The following WFDC2 variants were observed in gnomAD, a reference collection of about 807,000 sequenced individuals.
The protein encoded by WFDC2 is WAP four-disulfide core domain protein 2.
A neutral mutation model predicts 12.5 loss-of-function variants in WFDC2; 8 were observed. That is an observed-to-expected ratio of 0.64 (90% CI 0.37 to 1.15). WFDC2 has a LOEUF of 1.15. Ranked by LOEUF, WFDC2 falls within the 50% of genes most tolerant of loss-of-function variation. The pLI, the probability that WFDC2 is intolerant of heterozygous loss-of-function variation, is 0.01. For synonymous variants in WFDC2, 74 were observed against 67.2 expected (o/e 1.10, Z -0.49); for missense variants, 166 against 159.9 (o/e 1.04, Z -0.21).
Position 45,470,589 on chromosome 20 carries a change from G to T in WFDC2, c.223+57G>T. 1.3e-6 allele frequency: 2 copies of T among 1,503,600 alleles called. No individual in the cohort carries two copies. Among genetic ancestry groups the T allele is most frequent in the Non-Finnish European group, 1.8e-6 (2 of 1,122,868 alleles). 93.1% of individuals were successfully genotyped at this position (1,503,600 alleles called of 1,614,324 possible). On this transcript the variant is annotated intron_variant, in intron 2 of 3. Transcript: ENST00000372676. This position sits in a 1 kb window ranked among gnomAD's most constrained non-coding sequence, Gnocchi z 5.4. ...CGGGGCCGCGCTGGGCTGGGAGGAG[G>T]TGGGAGGGCCCGGGTTCCGGGAACA... is the stretch of plus-strand genomic sequence containing the variant.
intron 2 of WFDC2, 31 bp from the exon 3 acceptor site, chr20:45,479,911 C>T (rs752693740): frequency 8.1e-6 from 13 of 1,613,958 alleles, no homozygotes; most frequent in Non-Finnish European, 1.1e-5. Flanking sequence ...ATCGCCTCTG[C>T]CCACTTACCC....
Position 45,469,866 on chromosome 20 carries a change from T to TG in WFDC2, c.79+10dup. On this transcript the variant is annotated splice_region_variant and intron_variant, in intron 1 of 3. Coordinates refer to ENST00000372676, the MANE Select transcript of WFDC2 (RefSeq NM_006103.4). The stretch of plus-strand genomic sequence containing the variant: ...CGGCTTCACCCTAGTCTCAGGTGAG[T>TG]GGGGCGGGGAGAGGCCCGGCGCCTA... 1 of 1,601,218 alleles carries TG rather than the reference T, an allele frequency of 6.2e-7. No homozygotes were observed. The highest frequency in any genetic ancestry group is 8.5e-7 in the Non-Finnish European group (1 of 1,174,780).
intron 2 of WFDC2, among the ~76,000 whole-genome samples, chr20:45,476,821 G>A (rs1991239193): frequency 6.6e-6 from 1 of 152,028 alleles, no homozygotes; most frequent in Admixed American, 6.6e-5. Context: ...TCAAACATAG[G>A]TTTGGTCTTT....
In WFDC2 at chr20:45,474,601, G is replaced by A. The variant is rs188022767; in HGVS notation, c.223+4069G>A. Reference sequence around the variant, plus strand: ...TGCCAGCATTTTATTAAGGATTTTCGCACTGATGTTCATCAGGGATATTAA... The same window carrying A: ...TGCCAGCATTTTATTAAGGATTTTCACACTGATGTTCATCAGGGATATTAA... On this transcript the variant is annotated intron_variant, in intron 2 of 3. Coordinates refer to ENST00000372676, the MANE Select transcript of WFDC2 (RefSeq NM_006103.4). Among the ~76,000 whole-genome samples, 5 of 152,220 alleles carry A rather than the reference G, an allele frequency of 3.3e-5. 1 individual carries two copies. The highest frequency in any genetic ancestry group is 4.1e-4 in the South Asian group (2 of 4,822).
intron 2 of WFDC2, among the ~76,000 whole-genome samples, chr20:45,476,142 T>G (rs2145504661): frequency 6.6e-6 from 1 of 152,340 alleles, no homozygotes; most frequent in African/African-American, 2.4e-5. Flanking sequence ...TGCCAGTCTT[T>G]GTCTTTTAAC....
rs377272016 is a variant in WFDC2, at chr20:45,479,975, A to G, written c.257A>G (p.Asn86Ser). The G allele has an allele frequency of 2.5e-6, 4 of 1,614,042 alleles. No individual in the cohort carries two copies. The highest frequency in any genetic ancestry group is 3.4e-6 in the Non-Finnish European group (4 of 1,180,046). The change falls in exon 3 of 4, where the codon AAC (asparagine) becomes AGC (serine). Residue 86 changes from asparagine to serine, a missense_variant. Transcript: ENST00000372676. ...KEGSCPQVNI[N>S]FPQLGLCRDQ... The stretch of plus-strand genomic sequence containing the variant: ...GGTTCCTGCCCCCAGGTGAACATTA[A>G]CTTTCCCCAGCTCGGCCTCTGTCGG...
intron 3 of WFDC2, among the ~76,000 whole-genome samples, chr20:45,480,797 G>A (rs11696857): frequency 0.055 from 8,389 of 152,238 alleles, 308 homozygotes; most frequent in East Asian, 0.18. Flanking sequence ...TGGTGCCCGA[G>A]AGGGAACTAT....
At chr20:45,473,437 G>A (rs1256595301) in intron 2 of WFDC2, among the ~76,000 whole-genome samples, 2 of 152,130 alleles carry the variant, frequency 1.3e-5, no homozygotes, top group African/African-American at 2.4e-5. Context: ...TATTAAATAG[G>A]GAATCCTTTC....
intron 2 of WFDC2, among the ~76,000 whole-genome samples, chr20:45,478,586 A>C (rs1043154625): frequency 2.0e-5 from 3 of 151,986 alleles, no homozygotes; most frequent in Non-Finnish European, 4.4e-5. Flanking sequence ...GGAGCTGCAG[A>C]CTGGAGCTGT....
chr20:45,479,612 GC>G, intron 2 of WFDC2: 1 of 1,485,990 alleles, frequency 6.7e-7, no homozygotes, highest in Non-Finnish European at 9.4e-7. Flanking sequence ...GTTTCCCACT[GC>G]TTTCACAACA....
At position 45,470,499 on chromosome 20, in the gene WFDC2, G is replaced by A; in HGVS notation, c.190G>A (p.Ala64Thr). 2 of 1,599,488 alleles carry A rather than the reference G, an allele frequency of 1.3e-6. No homozygotes were observed. Among genetic ancestry groups the A allele is most frequent in the Non-Finnish European group, 1.7e-6 (2 of 1,172,750 alleles). The change falls in exon 2 of 4, where the codon GCG becomes ACG. Residue 64 changes from alanine (A) to threonine (T), a missense_variant. Coordinates refer to ENST00000372676, the MANE Select transcript of WFDC2 (RefSeq NM_006103.4). The surrounding 1 kb of genome is among the most constrained non-coding windows in gnomAD (Gnocchi z 5.4). ...CGCCGACAACCTCAAGTGCTGCAGC[G>A]CGGGCTGTGCCACCTTCTGCTCTCT... Reference protein sequence around the residue: ...ECADNLKCCSAGCATFCSLPN... With the variant: ...ECADNLKCCSTGCATFCSLPN...
chr20:45,472,209 G>C (rs1279316576), intron 2 of WFDC2, among the ~76,000 whole-genome samples: 1 of 152,094 alleles, frequency 6.6e-6, no homozygotes, highest in Non-Finnish European at 1.5e-5. Flanking sequence ...ATGGTGGTTT[G>C]CTTCACCCAT....
intron 2 of WFDC2, chr20:45,479,580 C>T: frequency 3.2e-6 from 4 of 1,248,264 alleles, no homozygotes; most frequent in Admixed American, 1.7e-5. Flanking sequence ...TTTGATATTT[C>T]AGGGAGAAAT....
intron 3 of WFDC2, 54 bp downstream of exon 3, chr20:45,480,148 G>C: frequency 6.2e-7 from 1 of 1,604,006 alleles, no homozygotes; most frequent in Non-Finnish European, 8.5e-7. Context: ...GTGGGAAACA[G>C]GAGAAAACGT....
intron 2 of WFDC2, among the ~76,000 whole-genome samples, chr20:45,472,186 G>A (rs1991180826): frequency 1.3e-5 from 2 of 152,080 alleles, no homozygotes; most frequent in Admixed American, 1.3e-4. Flanking sequence ...TGTTACATAG[G>A]TATACATGTG....
At chr20:45,472,536 G>A (rs554946274) in intron 2 of WFDC2, among the ~76,000 whole-genome samples, 17 of 151,976 alleles carry the variant, frequency 1.1e-4, no homozygotes, top group African/African-American at 4.1e-4. Flanking sequence ...CATTTGGGTT[G>A]GTTCCAAGTC....
Position 45,470,544 on chromosome 20 carries a change from G to A in WFDC2, c.223+12G>A, listed in dbSNP as rs764033699. 2.7e-5 allele frequency: 42 copies of A among 1,583,214 alleles called. 1 individual carries two copies. In the South Asian group the frequency reaches 4.5e-4, roughly 17 times the overall value. On this transcript the variant is annotated intron_variant, in intron 2 of 3. Coordinates refer to ENST00000372676, the MANE Select transcript of WFDC2 (RefSeq NM_006103.4). The surrounding 1 kb of genome is among the most constrained non-coding windows in gnomAD (Gnocchi z 5.4). ...CTCTCTGCCCAATGGTAACCCCACG[G>A]CGGCCGAGCGGGAACGGGGCGGGGC...
At chr20:45,479,670 G>A (rs780167483) in intron 2 of WFDC2, 11 of 1,613,828 alleles carry the variant, frequency 6.8e-6, no homozygotes, top group Non-Finnish European at 8.5e-6. Context: ...TAAAGACACG[G>A]AGGCTCTGGG....
In WFDC2 at chr20:45,480,006, G is replaced by C. The variant is rs754700830; in HGVS notation, c.288G>C (p.Gln96His). The C allele has an allele frequency of 6.2e-7, 1 of 1,614,118 alleles. No individual in the cohort carries two copies. Among genetic ancestry groups the C allele is most frequent in the Non-Finnish European group, 8.5e-7 (1 of 1,180,054 alleles). The stretch of plus-strand genomic sequence containing the variant: ...CCCAGCTCGGCCTCTGTCGGGACCA[G>C]TGCCAGGTGGACAGCCAGTGTCCTG... ...NFPQLGLCRDQCQVDSQCPGQ... is the reference protein window; with the variant it reads ...NFPQLGLCRDHCQVDSQCPGQ... The change falls in exon 3 of 4, where the codon CAG (glutamine) becomes CAC (histidine). Residue 96 changes from glutamine to histidine, a missense_variant. Physicochemically the swap from Gln to His is conservative, Grantham distance 24. Coordinates refer to ENST00000372676, the MANE Select transcript of WFDC2 (RefSeq NM_006103.4).
Sources: allele counts gnomAD v4.1 joint callset (sites outside exome capture counted in the v4.1 genomes callset), GRCh38; gene constraint gnomAD v4.1.1; non-coding constraint Gnocchi (gnomAD v3.1); transcripts MANE v1.5; gene names NCBI Gene and HGNC (gene_info 2026-07-23, HGNC 2026-07-21).